Variants in VPS13B observed in about 807,000 individuals in gnomAD.
VPS13B encodes intermembrane lipid transfer protein VPS13B.
In VPS13B, 285 loss-of-function variants were observed where a neutral mutation model predicts 426.4. That is an observed-to-expected ratio of 0.67 (90% CI 0.61 to 0.74). The LOEUF is 0.74. Among genes scored for constraint, VPS13B ranks in the 30% least tolerant of loss-of-function variants. The probability of loss-of-function intolerance (pLI) is 0.00; values close to 1 mark genes in which losing one functional copy is unlikely to be tolerated. For missense variants in VPS13B, 4,537 were observed against 4,782.6 expected, an observed-to-expected ratio of 0.95 and a Z score of 1.51; for synonymous variants, 1,676 against 1,676.4, an observed-to-expected ratio of 1.00 and a Z score of 0.01.
At chr8:99,239,413 A>C (rs112225677) in intron 17 of VPS13B, among the ~76,000 whole-genome samples, 1 of 152,128 alleles carries the variant, frequency 6.6e-6, no homozygotes, top group Non-Finnish European at 1.5e-5. Context: ...ACTGTGTTAC[A>C]TGTGGTTTTG....
At chr8:99,657,615 C>T (rs762507070) in intron 34 of VPS13B, among the ~76,000 whole-genome samples, 21 of 152,050 alleles carry the variant, frequency 1.4e-4, no homozygotes, top group Non-Finnish European at 2.8e-4. Flanking sequence ...ACACCATTCT[C>T]GTTATCAGTA....
chr8:99,243,934 C>A (rs533239860), intron 17 of VPS13B, among the ~76,000 whole-genome samples: 1 of 152,362 alleles, frequency 6.6e-6, no homozygotes, highest in South Asian at 2.1e-4. Context: ...CTTATAGACA[C>A]AGCTGCAAAC....
intron 39 of VPS13B, among the ~76,000 whole-genome samples, chr8:99,737,962 C>T (rs913194038): frequency 6.6e-6 from 1 of 152,188 alleles, no homozygotes; most frequent in Non-Finnish European, 1.5e-5. Context: ...GAAATACCCA[C>T]CAAAGGGCAT....
chr8:99,069,689 A>G (rs1844753780), intron 3 of VPS13B, among the ~76,000 whole-genome samples: 1 of 152,214 alleles, frequency 6.6e-6, no homozygotes, highest in African/African-American at 2.4e-5. Flanking sequence ...ATTCAGGGTT[A>G]TGATTCTTGG....
chr8:99,245,695 C>G (rs1407564605), intron 17 of VPS13B, among the ~76,000 whole-genome samples: 2 of 152,166 alleles, frequency 1.3e-5, no homozygotes, highest in African/African-American at 2.4e-5. Context: ...GCACTCACTA[C>G]TATGTCTGGC....
At chr8:99,130,456 C>T (rs1319083387) in intron 8 of VPS13B, among the ~76,000 whole-genome samples, 1 of 149,504 alleles carries the variant, frequency 6.7e-6, no homozygotes, top group Non-Finnish European at 1.5e-5. Flanking sequence ...GGCGCAGTCT[C>T]GGCTCACTGC....
At chr8:99,140,083 T>C (rs1337226731) in intron 12 of VPS13B, among the ~76,000 whole-genome samples, 1 of 151,984 alleles carries the variant, frequency 6.6e-6, no homozygotes, top group Admixed American at 6.6e-5. Context: ...TGTAAGAAAC[T>C]AGGCTGAGCG....
chr8:99,777,083 A>C lies in VPS13B; in HGVS notation c.7429+127A>C, dbSNP rs933006689. 6.7e-6 allele frequency: 8 copies of C among 1,196,846 alleles called. No homozygotes were observed. The Admixed American group carries it at 1.2e-4, about 18-fold the overall frequency. The allele number at this position is 1,196,846 out of a possible 1,614,324, so 74.1% of individuals were successfully genotyped here. A position where few individuals can be genotyped will look rare whatever the true frequency, so the allele number is the denominator to read the frequency against. On this transcript the variant is annotated intron_variant, in intron 41 of 61. Transcript: ENST00000357162. The stretch of plus-strand genomic sequence containing the variant: ...CAGGAAGTATAAAGCGAGCAGTGGC[A>C]AAGTTATCCTGGGGTTGACTTGGCA...
At chr8:99,482,102 A>G (rs554342378) in intron 25 of VPS13B, among the ~76,000 whole-genome samples, 23 of 152,156 alleles carry the variant, frequency 1.5e-4, no homozygotes, top group Admixed American at 9.2e-4. Context: ...AACTGAGTGA[A>G]AAAGAGACTC....
chr8:99,262,454 A>G (rs1241325893), intron 17 of VPS13B, among the ~76,000 whole-genome samples: 2 of 152,136 alleles, frequency 1.3e-5, no homozygotes, highest in African/African-American at 2.4e-5. Context: ...AGAACTAACT[A>G]GCTTTCTTGG....
At chr8:99,085,024 CGTT>C (rs1845697251) in intron 3 of VPS13B, among the ~76,000 whole-genome samples, 2 of 151,830 alleles carry the variant, frequency 1.3e-5, no homozygotes, top group East Asian at 1.9e-4. Flanking sequence ...ATTTCTGTCT[CGTT>C]GATCTGTGTG....
intron 17 of VPS13B, among the ~76,000 whole-genome samples, chr8:99,250,707 C>T (rs1817460964): frequency 1.2e-5 from 1 of 84,172 alleles, no homozygotes; most frequent in Admixed American, 2.0e-4. Flanking sequence ...TTTTTTGAGA[C>T]AAGGTCTTGC....
intron 8 of VPS13B, among the ~76,000 whole-genome samples, chr8:99,124,229 G>A (rs1848080910): frequency 6.6e-6 from 1 of 152,118 alleles, no homozygotes; most frequent in Non-Finnish European, 1.5e-5. Context: ...TTGACAATGT[G>A]GAAATTACTG....
At chr8:99,533,805 A>AG (rs1488398617) in intron 30 of VPS13B, among the ~76,000 whole-genome samples, 5 of 152,272 alleles carry the variant, frequency 3.3e-5, no homozygotes, top group African/African-American at 1.2e-4. Flanking sequence ...ATGTATCTTT[A>AG]TGGTTTCTCC....
At chr8:99,086,240 A>G (rs1270364089) in intron 3 of VPS13B, among the ~76,000 whole-genome samples, 2 of 152,034 alleles carry the variant, frequency 1.3e-5, no homozygotes, top group Non-Finnish European at 2.9e-5. Flanking sequence ...CTTTCTTCCA[A>G]TTGATTGAAT....
At chr8:99,507,783 T>C (rs1821577681) in intron 28 of VPS13B, 2 of 1,613,754 alleles carry the variant, frequency 1.2e-6, no homozygotes, top group African/African-American at 1.3e-5. Context: ...TGGGGAAGAG[T>C]GTTGGTCTTT....
intron 23 of VPS13B, among the ~76,000 whole-genome samples, chr8:99,464,251 G>A (rs1818986383): frequency 6.6e-6 from 1 of 152,272 alleles, no homozygotes; most frequent in African/African-American, 2.4e-5. Flanking sequence ...CAAACATTCA[G>A]TGACTAAGGT....
chr8:99,067,409 C>T (rs566554502), intron 3 of VPS13B, among the ~76,000 whole-genome samples: 7 of 152,194 alleles, frequency 4.6e-5, no homozygotes, highest in East Asian at 3.9e-4. Flanking sequence ...AACCAAACAC[C>T]GCATGATCTC....
intron 19 of VPS13B, among the ~76,000 whole-genome samples, chr8:99,286,772 T>C (rs1185033299): frequency 2.0e-5 from 3 of 152,158 alleles, no homozygotes; most frequent in Non-Finnish European, 4.4e-5. Flanking sequence ...AGGATATTTC[T>C]AGCTATGGGT....
Sources: allele counts gnomAD v4.1 joint callset (sites outside exome capture counted in the v4.1 genomes callset), GRCh38; gene constraint gnomAD v4.1.1; transcripts MANE v1.5; gene names NCBI Gene and HGNC (gene_info 2026-07-23, HGNC 2026-07-21).